TDRD9: variants seen among roughly 807,000 people sequenced by gnomAD.
The protein encoded by TDRD9 is ATP-dependent RNA helicase TDRD9.
Under a neutral mutation model 172.6 loss-of-function variants are expected in TDRD9, and 124 were observed. That is an observed-to-expected ratio of 0.72 (90% CI 0.62 to 0.83). The LOEUF (loss-of-function observed/expected upper bound fraction) is 0.83. TDRD9 is among the 40% of genes least tolerant of loss of function. The pLI is 0.00. For synonymous variants in TDRD9, 619 were observed against 617.1 expected, an observed-to-expected ratio of 1.00 and a Z score of -0.05; for missense variants, 1,479 against 1,714.1, an observed-to-expected ratio of 0.86 and a Z score of 2.42.
At chr14:104,011,480 T>C (rs532592681) in intron 20 of TDRD9, among the ~76,000 whole-genome samples, 2 of 152,284 alleles carry the variant, frequency 1.3e-5, no homozygotes, top group East Asian at 3.9e-4. Context: ...ATTTCTTACA[T>C]ATTTGATAGA....
intron 1 of TDRD9, among the ~76,000 whole-genome samples, chr14:103,936,024 A>G (rs2030740033): frequency 6.6e-6 from 1 of 152,096 alleles, no homozygotes; most frequent in Non-Finnish European, 1.5e-5. Context: ...TGAGTAGATA[A>G]GTGTGGCAGA....
intron 5 of TDRD9, 118 bp from the exon 6 acceptor site, chr14:103,970,423 C>T: frequency 2.9e-6 from 2 of 698,190 alleles, no homozygotes; most frequent in South Asian, 3.6e-5. Flanking sequence ...CCCTGAGGAA[C>T]TGCATTTAGC....
At chr14:103,938,325 CT>C (rs2030903900) in intron 1 of TDRD9, among the ~76,000 whole-genome samples, 1 of 147,958 alleles carries the variant, frequency 6.8e-6, no homozygotes, top group Non-Finnish European at 1.5e-5. Flanking sequence ...GCTGCTTTTT[CT>C]TGATAAAACA....
At chr14:103,970,244 A>G (rs1477175200) in intron 5 of TDRD9, among the ~76,000 whole-genome samples, 1 of 152,006 alleles carries the variant, frequency 6.6e-6, no homozygotes, top group Non-Finnish European at 1.5e-5. Flanking sequence ...TGTCACAGTG[A>G]CCTTGGGCAC....
intron 7 of TDRD9, among the ~76,000 whole-genome samples, chr14:103,983,518 C>T (rs1484974094): frequency 3.9e-5 from 6 of 152,110 alleles, no homozygotes; most frequent in Non-Finnish European, 2.9e-5. Flanking sequence ...ATATTCTGCA[C>T]ATAGTGTTTA....
chr14:103,928,703 G>A lies in TDRD9; in HGVS notation c.194G>A (p.Arg65Gln), dbSNP rs979526397. 17 of 1,186,106 alleles carry A rather than the reference G, an allele frequency of 1.4e-5. No individual in the cohort carries two copies. In the African/African-American group the frequency reaches 2.3e-4, roughly 16 times the overall value. The allele number at this position is 1,186,106 out of a possible 1,614,324, so 73.5% of individuals were successfully genotyped here. The change falls in exon 1 of 36, where the codon CGG (arginine) becomes CAG (glutamine). Residue 65 changes from arginine to glutamine, a missense_variant. By Grantham distance (43) the Arg-to-Gln change is conservative. Transcript: ENST00000409874. ...CCGGCTCTGGCCCAAGCTCCGGCCC[G>A]GCCGGCCGCTGCGTTCGAAAGGTAG... ...QAPALAQAPARPAAAFERSLS... is the reference protein window; with the variant it reads ...QAPALAQAPAQPAAAFERSLS...
chr14:103,980,927 C>T lies in TDRD9; in HGVS notation c.1012-5290C>T. On this transcript the variant is annotated intron_variant, in intron 7 of 35. Transcript: ENST00000409874. The surrounding 1 kb of genome is among the most constrained non-coding windows in gnomAD (Gnocchi z 4.5). ...CCTGTCTCTGTATGGCCTGGTTTTT[C>T]CTAGGTTATGATTGTAGAGCGAGAA... is the stretch of plus-strand genomic sequence containing the variant. Among the ~76,000 whole-genome samples, 1 of 151,978 alleles carries T rather than the reference C, an allele frequency of 6.6e-6. No individual in the cohort carries two copies. The highest frequency in any genetic ancestry group is 2.4e-5 in the African/African-American group (1 of 41,358).
Position 103,939,026 on chromosome 14 carries a change from G to A in TDRD9, c.215+10302G>A, listed in dbSNP as rs1236449182. Among the ~76,000 whole-genome samples, 4 of 151,860 alleles carry A rather than the reference G, an allele frequency of 2.6e-5. No homozygotes were observed. In the East Asian group the frequency reaches 7.7e-4, roughly 29 times the overall value. On this transcript the variant is annotated intron_variant, in intron 1 of 35. Coordinates refer to ENST00000409874, the MANE Select transcript of TDRD9 (RefSeq NM_153046.3). ...GGTGGAAAATTAATTAATTGCATGTGGGTGACTTAGAGTGGCTAGGATTCG... is the reference window on the plus strand; with the variant it reads ...GGTGGAAAATTAATTAATTGCATGTAGGTGACTTAGAGTGGCTAGGATTCG...
intron 1 of TDRD9, among the ~76,000 whole-genome samples, chr14:103,954,323 C>T (rs1451563400): frequency 6.6e-6 from 1 of 152,154 alleles, no homozygotes; most frequent in Non-Finnish European, 1.5e-5. Flanking sequence ...TCCTTAATAG[C>T]GTCACCCGAT....
intron 14 of TDRD9, 43 bp downstream of exon 14, chr14:104,004,378 T>C: frequency 1.0e-6 from 1 of 991,578 alleles, no homozygotes; most frequent in Non-Finnish European, 1.5e-6. Context: ...TATTTATTTA[T>C]TTATTTATTT....
At chr14:104,023,184 C>CAAAAAAAAAAAAAAAA (rs10661391) in intron 24 of TDRD9, among the ~76,000 whole-genome samples, 2 of 64,456 alleles carry the variant, frequency 3.1e-5, no homozygotes, top group African/African-American at 1.4e-4. Context: ...GACTCCGTCT[C>CAAAAAAAAAAAAAAAA]AAAAAAAAAA....
chr14:103,932,732 G>A (rs1212038149), intron 1 of TDRD9, among the ~76,000 whole-genome samples: 1 of 152,118 alleles, frequency 6.6e-6, no homozygotes, highest in Non-Finnish European at 1.5e-5. Flanking sequence ...CAGTTAAAAT[G>A]TATTTGTTAG....
intron 20 of TDRD9, among the ~76,000 whole-genome samples, chr14:104,013,394 C>T (rs1238601299): frequency 2.6e-5 from 4 of 152,100 alleles, no homozygotes; most frequent in Non-Finnish European, 5.9e-5. Flanking sequence ...TCACAAAAGC[C>T]GTACATGTTC....
chr14:104,040,054 G>A, intron 32 of TDRD9, 142 bp from the exon 33 acceptor site: 1 of 599,712 alleles, frequency 1.7e-6, no homozygotes, highest in African/African-American at 1.9e-5. Context: ...GTGAAAACTG[G>A]CAGAAAAATG....
At chr14:103,938,431 TATATA>T (rs1566723271) in intron 1 of TDRD9, among the ~76,000 whole-genome samples, 28 of 66,294 alleles carry the variant, frequency 4.2e-4, no homozygotes, top group African/African-American at 1.5e-3. Flanking sequence ...TATATATATA[TATATA>T]TATATTTTTT....
At chr14:103,964,873 G>C (rs867184578) in intron 3 of TDRD9, among the ~76,000 whole-genome samples, 4 of 152,120 alleles carry the variant, frequency 2.6e-5, no homozygotes, top group African/African-American at 4.8e-5. Context: ...TGTGGCAACC[G>C]TTTGTCGCCT....
intron 6 of TDRD9, among the ~76,000 whole-genome samples, chr14:103,973,648 TG>T (rs2033125743): frequency 6.6e-6 from 1 of 152,236 alleles, no homozygotes; most frequent in African/African-American, 2.4e-5. Flanking sequence ...GTTTGCAGGC[TG>T]CACTCTGTGT....
At chr14:103,949,522 A>C (rs1341060923) in intron 1 of TDRD9, among the ~76,000 whole-genome samples, 1 of 152,150 alleles carries the variant, frequency 6.6e-6, no homozygotes, top group Admixed American at 6.5e-5. Context: ...ATTATAAACA[A>C]TTTCATGTAT....
In TDRD9 at chr14:103,980,745, C is replaced by T. The variant is rs2033440184; in HGVS notation, c.1011+5192C>T. On this transcript the variant is annotated intron_variant, in intron 7 of 35. Coordinates refer to ENST00000409874, the MANE Select transcript of TDRD9 (RefSeq NM_153046.3). This position sits in a 1 kb window ranked among gnomAD's most constrained non-coding sequence, Gnocchi z 4.5. ...TTTTTCCTTGACACTGACGCTACCACTAGACCACGGCTAGACCATGGTCCG... is the reference window on the plus strand; with the variant it reads ...TTTTTCCTTGACACTGACGCTACCATTAGACCACGGCTAGACCATGGTCCG... 6.6e-6 allele frequency among the ~76,000 whole-genome samples: 1 copy of T among 152,136 alleles called. No homozygotes were observed. Among genetic ancestry groups the T allele is most frequent in the Non-Finnish European group, 1.5e-5 (1 of 68,018 alleles).
Sources: gnomAD v4.1 joint callset for allele counts (sites outside exome capture counted in the v4.1 genomes callset) on GRCh38, gnomAD v4.1.1 for gene constraint, Gnocchi (gnomAD v3.1) non-coding constraint, MANE v1.5 for transcripts, NCBI Gene and HGNC (gene_info 2026-07-23, HGNC 2026-07-21) for gene names.